Variants in GANC observed in about 807,000 individuals in gnomAD.
GANC encodes glucosidase alpha, neutral C, also known as neutral alpha-glucosidase C.
A neutral mutation model predicts 124.2 loss-of-function variants in GANC; 117 were observed. That is an observed-to-expected ratio of 0.94 (90% confidence interval 0.81 to 1.10). The LOEUF is 1.10. Among genes scored for constraint, GANC ranks in the 50% least tolerant of loss-of-function variants. The pLI is 0.00. For synonymous variants in GANC, 377 were observed against 376.8 expected (o/e 1.00, Z -0.01); for missense variants, 1,140 against 1,095.0 (o/e 1.04, Z -0.58).
At chr15:42,301,511 A>G (rs2051946045) in intron 6 of GANC, among the ~76,000 whole-genome samples, 1 of 149,928 alleles carries the variant, frequency 6.7e-6, no homozygotes, top group Admixed American at 6.6e-5. Context: ...AGAACTCTTC[A>G]CTCCCCTGGA....
rs765471120 is a variant in GANC, at chr15:42,339,839, G to T, written c.2014G>T (p.Glu672Ter). 14 of 1,614,118 alleles carry T rather than the reference G, an allele frequency of 8.7e-6. No homozygotes were observed. Among genetic ancestry groups the T allele is most frequent in the Non-Finnish European group, 1.2e-5 (14 of 1,180,006 alleles). Residue 672 changes from glutamate (E) to a stop codon, truncating the protein, a stop_gained, in exon 17 of 24, where the codon GAG becomes TAG. Coordinates refer to ENST00000318010, the MANE Select transcript of GANC (RefSeq NM_198141.3). LOFTEE classifies it high-confidence loss of function. ...HTRLIREAIR[E>*]RYGLLPYWYS... ...CCGACTCATCCGAGAAGCCATCAGA[G>T]AGCGCTATGGCCTCCTGCCATATTG...
chr15:42,322,082 T>C, intron 11 of GANC, 62 bp downstream of exon 11: 1 of 1,378,460 alleles, frequency 7.3e-7, no homozygotes, highest in East Asian at 2.5e-5. Flanking sequence ...GTTTTAGACT[T>C]GCCTTGGCAC....
intron 10 of GANC, among the ~76,000 whole-genome samples, chr15:42,319,037 G>A (rs962345907): frequency 6.6e-6 from 1 of 151,524 alleles, no homozygotes; most frequent in African/African-American, 2.4e-5. Context: ...TCTACTCTAC[G>A]GATTTTATAA....
Position 42,307,342 on chromosome 15 carries a change from T to TG in GANC, c.625+730_625+731insG, listed in dbSNP as rs1160411670. ...TAACATCATCATCTTTTTATCTTTTTTTTTTTTTTGAGGCAGGTTCTCACT... is the reference window on the plus strand; with the variant it reads ...TAACATCATCATCTTTTTATCTTTTTGTTTTTTTTTGAGGCAGGTTCTCACT... On this transcript the variant is annotated intron_variant, in intron 7 of 23. Coordinates refer to ENST00000318010, the MANE Select transcript of GANC (RefSeq NM_198141.3). 3.3e-5 allele frequency among the ~76,000 whole-genome samples: 5 copies of TG among 150,526 alleles called. No homozygotes were observed. In the East Asian group the frequency reaches 7.8e-4, roughly 23 times the overall value.
chr15:42,321,172 C>G (rs1487431108), intron 10 of GANC, among the ~76,000 whole-genome samples: 1 of 152,154 alleles, frequency 6.6e-6, no homozygotes, highest in African/African-American at 2.4e-5. Flanking sequence ...TGCACCCTGA[C>G]TTAATTTTTC....
At chr15:42,302,343 C>T (rs1404191634) in intron 6 of GANC, among the ~76,000 whole-genome samples, 6 of 152,124 alleles carry the variant, frequency 3.9e-5, no homozygotes, top group African/African-American at 1.2e-4. Context: ...AAACCCTATC[C>T]GAAGGTCACC....
In GANC at chr15:42,319,869, T is replaced by A. The variant is rs190163410; in HGVS notation, c.1058-1916T>A. Among the ~76,000 whole-genome samples the A allele has an allele frequency of 3.2e-4, 49 of 152,280 alleles. 2 individuals carry two copies. Among genetic ancestry groups the A allele is most frequent in the Admixed American group, 3.0e-3 (46 of 15,296 alleles). The stretch of plus-strand genomic sequence containing the variant: ...CTCCAATGAGCATTTCCTTTGAGTG[T>A]CATGTTGGTGTTCAAAAAGTTTCAG... On this transcript the variant is annotated intron_variant, in intron 10 of 23. Transcript: ENST00000318010.
intron 18 of GANC, among the ~76,000 whole-genome samples, 162 bp downstream of exon 18, chr15:42,340,916 C>T (rs930675045): frequency 6.6e-6 from 1 of 151,748 alleles, no homozygotes; most frequent in Non-Finnish European, 1.5e-5. Context: ...CAGGTGCCCG[C>T]CACCATGCCC....
chr15:42,331,014 G>C (rs1382228770), intron 15 of GANC, among the ~76,000 whole-genome samples: 1 of 151,942 alleles, frequency 6.6e-6, no homozygotes, highest in Non-Finnish European at 1.5e-5. Flanking sequence ...GCCCAGGCTA[G>C]TCTCGAACTC....
chr15:42,317,208 A>G (rs2052114436), intron 10 of GANC, among the ~76,000 whole-genome samples: 1 of 152,240 alleles, frequency 6.6e-6, no homozygotes, highest in Non-Finnish European at 1.5e-5. Context: ...AATGTGGTAT[A>G]TACATGTAAC....
chr15:42,274,264 A>T lies in GANC; in HGVS notation c.-218A>T. ...CCCATAATCAAGACAAATTTGCCAAATAAATCATTGTAGAAACGCTAGTTT... is the reference window on the plus strand; with the variant it reads ...CCCATAATCAAGACAAATTTGCCAATTAAATCATTGTAGAAACGCTAGTTT... On this transcript the variant is annotated 5_prime_UTR_variant, in exon 1 of 24. Transcript: ENST00000318010. 1.7e-6 allele frequency: 1 copy of T among 573,884 alleles called. No homozygotes were observed. The highest frequency in any genetic ancestry group is 3.1e-6 in the Non-Finnish European group (1 of 323,072). 35.5% of individuals were successfully genotyped at this position (573,884 alleles called of 1,614,324 possible). A position where few individuals can be genotyped will look rare whatever the true frequency, so the allele number is the denominator to read the frequency against.
rs969408047 is a variant in GANC at position 42,352,659 on chromosome 15, G to A, written c.*520G>A. ...TGTGTGCACTGCATACGCTGCAGCCGTGGGAGTTATTCTCCCCTAGAGATC... is the reference window on the plus strand; with the variant it reads ...TGTGTGCACTGCATACGCTGCAGCCATGGGAGTTATTCTCCCCTAGAGATC... On this transcript the variant is annotated 3_prime_UTR_variant, in exon 24 of 24. Coordinates refer to ENST00000318010, the MANE Select transcript of GANC (RefSeq NM_198141.3). The A allele has an allele frequency of 2.7e-5, 27 of 986,244 alleles. No individual in the cohort carries two copies. In the South Asian group the frequency reaches 5.2e-4, roughly 19 times the overall value. 61.1% of individuals were successfully genotyped at this position (986,244 alleles called of 1,614,324 possible).
intron 10 of GANC, among the ~76,000 whole-genome samples, chr15:42,316,763 C>T (rs892828212): frequency 6.6e-6 from 1 of 152,168 alleles, no homozygotes; most frequent in Non-Finnish European, 1.5e-5. Flanking sequence ...AGGAGACTCC[C>T]TTTCACTATC....
rs112853909 is a variant in GANC at position 42,336,137 on chromosome 15, C to CA, written c.1742-2240dup. On this transcript the variant is annotated intron_variant, in intron 15 of 23. Transcript: ENST00000318010. ...AACTATTTTAAAATTCATATTGAAC[C>CA]AAAAAAAAAAAAGAAAAAAAAAAGA... is the stretch of plus-strand genomic sequence containing the variant. Among the ~76,000 whole-genome samples the CA allele has an allele frequency of 6.9e-3, 890 of 129,384 alleles. 8 individuals carry two copies. Among genetic ancestry groups the CA allele is most frequent in the African/African-American group, 0.016 (588 of 37,794 alleles). The allele number at this position is 129,384 out of a possible 152,430, so 84.9% of individuals were successfully genotyped here.
At chr15:42,317,390 T>C (rs1205933306) in intron 10 of GANC, among the ~76,000 whole-genome samples, 3 of 152,130 alleles carry the variant, frequency 2.0e-5, no homozygotes, top group African/African-American at 7.2e-5. Flanking sequence ...GAGAGGGGGC[T>C]GAGAGGTGTG....
intron 4 of GANC, 52 bp from the exon 5 acceptor site, chr15:42,292,683 G>T: frequency 2.0e-6 from 3 of 1,527,596 alleles, no homozygotes; most frequent in South Asian, 1.2e-5. Flanking sequence ...AATCACATAG[G>T]GCCATGTAAA....
At chr15:42,342,828 A>G (rs570223977) in intron 18 of GANC, among the ~76,000 whole-genome samples, 1 of 152,166 alleles carries the variant, frequency 6.6e-6, no homozygotes, top group Non-Finnish European at 1.5e-5. Context: ...GTCCCTTCCT[A>G]TAATCTCAGT....
chr15:42,311,309 G>A (rs2052047759), intron 10 of GANC, among the ~76,000 whole-genome samples: 1 of 151,978 alleles, frequency 6.6e-6, no homozygotes, highest in African/African-American at 2.4e-5. Flanking sequence ...GAGAAATTAG[G>A]CAAGAAAAAT....
At chr15:42,282,040 A>G (rs2051739112) in intron 3 of GANC, among the ~76,000 whole-genome samples, 1 of 152,084 alleles carries the variant, frequency 6.6e-6, no homozygotes, top group South Asian at 2.1e-4. Context: ...TACAAAAATA[A>G]GGCCGAGTGC....
Sources: allele counts gnomAD v4.1 joint callset (sites outside exome capture counted in the v4.1 genomes callset), GRCh38; gene constraint gnomAD v4.1.1; transcripts MANE v1.5; gene names NCBI Gene and HGNC (gene_info 2026-07-23, HGNC 2026-07-21).